ATP2C1: variants seen among roughly 807,000 people sequenced by gnomAD.
ATP2C1 encodes the protein ATPase secretory pathway Ca2+ transporting 1, also known as calcium-transporting ATPase type 2C member 1.
Under a neutral mutation model 120.5 loss-of-function variants are expected in ATP2C1, and 31 were observed. The ratio of observed to expected loss-of-function variants is 0.26; its 90% CI spans 0.19 to 0.35. ATP2C1 has a LOEUF of 0.35. Ranked by LOEUF, ATP2C1 falls within the 10% of genes least tolerant of loss-of-function variation. The pLI, the probability that ATP2C1 is intolerant of heterozygous loss-of-function variation, is 1.00. For synonymous variants in ATP2C1, 351 were observed against 358.7 expected (o/e 0.98, Z 0.24); for missense variants, 731 against 1,107.5 (o/e 0.66, Z 4.83).
At chr3:130,922,556 C>T (rs557739894) in intron 2 of ATP2C1, among the ~76,000 whole-genome samples, 23 of 152,192 alleles carry the variant, frequency 1.5e-4, no homozygotes, top group African/African-American at 4.8e-4. Context: ...CTTAGATTGT[C>T]TGTGCTCTTT....
At chr3:130,873,849 C>T (rs534689264) in intron 1 of ATP2C1, among the ~76,000 whole-genome samples, 7 of 152,246 alleles carry the variant, frequency 4.6e-5, no homozygotes, top group African/African-American at 1.7e-4. Flanking sequence ...CCGTGGCTCA[C>T]CCCTGTAATC....
intron 17 of ATP2C1, among the ~76,000 whole-genome samples, chr3:130,970,875 G>A (rs1559992031): frequency 6.6e-6 from 1 of 152,056 alleles, no homozygotes; most frequent in Non-Finnish European, 1.5e-5. Context: ...AGAAAGGCCA[G>A]GTTGGTTAAC....
chr3:130,969,468 T>G (rs2061196640), intron 17 of ATP2C1, 72 bp downstream of exon 17: 3 of 1,201,774 alleles, frequency 2.5e-6, no homozygotes, highest in Middle Eastern at 2.0e-4. Context: ...ACTGTCCACC[T>G]TTGGGTTTAG....
At chr3:130,893,888 G>A (rs1038477241), upstream of ATP2C1, 1 of 980,828 alleles carries the variant, frequency 1.0e-6, no homozygotes, top group Non-Finnish European at 1.2e-6. Flanking sequence ...CCCAAACATT[G>A]TCCATTCCGG....
At chr3:130,858,285 A>G (rs534954947) in intron 1 of ATP2C1, among the ~76,000 whole-genome samples, 194 of 152,264 alleles carry the variant, frequency 1.3e-3, no homozygotes, top group African/African-American at 4.1e-3. Context: ...TTGACACTCA[A>G]TATTAACCAT....
In ATP2C1 at chr3:130,899,530, G is replaced by C. The variant is rs1281744233; in HGVS notation, c.6+4755G>C. 3 of 152,344 alleles carry C rather than the reference G, an allele frequency of 2.0e-5. No homozygotes were observed. The East Asian group carries it at 5.8e-4, about 29-fold the overall frequency. 9.4% of individuals were successfully genotyped at this position (152,344 alleles called of 1,614,324 possible). On this transcript the variant is annotated intron_variant, in intron 2 of 27. Coordinates refer to ENST00000510168, the MANE Select transcript of ATP2C1 (RefSeq NM_001378687.1). ...AAGAAAAGGAGGGGTTGGTCTTGCTGTCTCGGGTGACAGAAGCAAATCTGA... is the reference window on the plus strand; with the variant it reads ...AAGAAAAGGAGGGGTTGGTCTTGCTCTCTCGGGTGACAGAAGCAAATCTGA...
chr3:130,873,394 C>T (rs887951234), intron 1 of ATP2C1, among the ~76,000 whole-genome samples: 1 of 152,124 alleles, frequency 6.6e-6, no homozygotes, highest in African/African-American at 2.4e-5. Flanking sequence ...ATCTAGTCTG[C>T]TTACTTCGCA....
At chr3:130,888,795 C>T (rs947447852) in intron 1 of ATP2C1, among the ~76,000 whole-genome samples, 6 of 152,234 alleles carry the variant, frequency 3.9e-5, no homozygotes, top group Non-Finnish European at 5.9e-5. Context: ...CCAGGTACTC[C>T]GATTGCTCTG....
At chr3:130,938,611 A>G (rs1275637641) in intron 6 of ATP2C1, among the ~76,000 whole-genome samples, 1 of 152,202 alleles carries the variant, frequency 6.6e-6, no homozygotes, top group Non-Finnish European at 1.5e-5. Flanking sequence ...TTCCGCTTTT[A>G]GGGGAATCTT....
Position 130,998,188 on chromosome 3 carries a change from G to A in ATP2C1, c.2392-106G>A, listed in dbSNP as rs1419271635. 24 of 811,424 alleles carry A rather than the reference G, an allele frequency of 3.0e-5. 1 individual carries two copies. Among genetic ancestry groups the A allele is most frequent in the South Asian group, 2.9e-4 (20 of 70,092 alleles). 50.3% of individuals were successfully genotyped at this position (811,424 alleles called of 1,614,324 possible). A position where few individuals can be genotyped will look rare whatever the true frequency, so the allele number is the denominator to read the frequency against. On this transcript the variant is annotated intron_variant, in intron 25 of 27. Transcript: ENST00000510168. ...TTTATGTTTCATGTGTTAGGCTAAA[G>A]TTATTTCTTCCTAATGGAAAGAAAA...
chr3:130,998,409 G>A lies in ATP2C1; in HGVS notation c.2487+20G>A. ...TCCCAGGTATGTTTAGGTGAACTTA[G>A]TTGATTGACTTGATTGACTCACTTG... is the stretch of plus-strand genomic sequence containing the variant. On this transcript the variant is annotated intron_variant, in intron 26 of 27. Coordinates refer to ENST00000510168, the MANE Select transcript of ATP2C1 (RefSeq NM_001378687.1). The A allele has an allele frequency of 6.5e-7, 1 of 1,537,284 alleles. No individual in the cohort carries two copies. Among genetic ancestry groups the A allele is most frequent in the South Asian group, 1.1e-5 (1 of 89,574 alleles).
Position 130,994,009 on chromosome 3 carries a change from C to A in ATP2C1, c.1968C>A (p.Asp656Glu), listed in dbSNP as rs549974663. Reference protein sequence around the residue: ...VNDAVALKAADIGVAMGQTGT... With the variant: ...VNDAVALKAAEIGVAMGQTGT... ...ATGCAGTTGCTCTGAAGGCTGCAGACATTGGAGTTGCGATGGGCCAGACTG... is the reference window on the plus strand; with the variant it reads ...ATGCAGTTGCTCTGAAGGCTGCAGAAATTGGAGTTGCGATGGGCCAGACTG... Residue 656 changes from aspartate (D) to glutamate (E), a missense_variant, in exon 22 of 28, where the codon GAC becomes GAA. Physicochemically the swap from Asp to Glu is conservative, Grantham distance 45. Transcript: ENST00000510168. The A allele has an allele frequency of 6.2e-7, 1 of 1,614,132 alleles. No individual in the cohort carries two copies. The highest frequency in any genetic ancestry group is 8.5e-7 in the Non-Finnish European group (1 of 1,180,014).
chr3:130,855,503 G>A (rs76990808), intron 1 of ATP2C1, among the ~76,000 whole-genome samples: 367 of 152,204 alleles, frequency 2.4e-3, no homozygotes, highest in African/African-American at 8.5e-3. Flanking sequence ...TGAGATCTAG[G>A]GGAAATCATG....
chr3:130,875,883 G>GTT (rs368689457), intron 1 of ATP2C1, among the ~76,000 whole-genome samples: 23 of 141,368 alleles, frequency 1.6e-4, no homozygotes, highest in Middle Eastern at 3.6e-3. Context: ...GATGTCGAGT[G>GTT]TTTTTTTTTT....
At chr3:130,979,490 C>A in intron 19 of ATP2C1, 71 bp downstream of exon 19, 1 of 1,447,118 alleles carries the variant, frequency 6.9e-7, no homozygotes, top group Non-Finnish European at 9.7e-7. Context: ...ATTTTGTGAA[C>A]TATTAGTTAT....
chr3:130,896,560 A>T (rs1287093422), intron 2 of ATP2C1, among the ~76,000 whole-genome samples: 4 of 152,164 alleles, frequency 2.6e-5, no homozygotes, highest in African/African-American at 9.7e-5. Flanking sequence ...ATATTAAACT[A>T]CATAGATTGA....
chr3:130,938,154 TAAA>T lies in ATP2C1; in HGVS notation c.360+694_360+696del, dbSNP rs1041984639. ...AAAACATATGTAAAGTAGCCCCTTTTAAAAATTACTATGAATAATGTGGAGATA... is the reference window on the plus strand; with the variant it reads ...AAAACATATGTAAAGTAGCCCCTTTTAATTACTATGAATAATGTGGAGATA... On this transcript the variant is annotated intron_variant, in intron 6 of 27. Transcript: ENST00000510168. 9.2e-5 allele frequency among the ~76,000 whole-genome samples: 14 copies of T among 152,302 alleles called. No homozygotes were observed. The South Asian group carries it at 1.5e-3, about 16-fold the overall frequency.
intron 2 of ATP2C1, among the ~76,000 whole-genome samples, chr3:130,902,920 C>T (rs1442391909): frequency 6.6e-6 from 1 of 151,872 alleles, no homozygotes; most frequent in Non-Finnish European, 1.5e-5. Flanking sequence ...TGATCTATTC[C>T]AGTCATAGCC....
downstream of ATP2C1, among the ~76,000 whole-genome samples, chr3:131,006,286 A>G (rs2063107669): frequency 6.6e-6 from 1 of 151,712 alleles, no homozygotes; most frequent in Admixed American, 6.6e-5. Flanking sequence ...TAATTTTTGC[A>G]TATTTAGTAG....
Sources: allele counts gnomAD v4.1 joint callset (sites outside exome capture counted in the v4.1 genomes callset), GRCh38; gene constraint gnomAD v4.1.1; transcripts MANE v1.5; gene names NCBI Gene and HGNC (gene_info 2026-07-23, HGNC 2026-07-21).